Variants in SLC20A2 observed in about 807,000 individuals in gnomAD.
The protein encoded by SLC20A2 is solute carrier family 20 member 2.
SLC20A2 carries 30 observed loss-of-function variants against 61.0 expected under a neutral mutation model. That is an observed-to-expected ratio of 0.49 (90% CI 0.37 to 0.67). The LOEUF (loss-of-function observed/expected upper bound fraction) is 0.67. Among genes scored for constraint, SLC20A2 ranks in the 30% least tolerant of loss-of-function variants. SLC20A2 has a pLI of 0.00. For synonymous variants in SLC20A2, 351 were observed against 353.3 expected (o/e 0.99, Z 0.07); for missense variants, 626 against 866.4 (o/e 0.72, Z 3.48).
At chr8:42,422,482 T>C (rs906171306) in intron 10 of SLC20A2, among the ~76,000 whole-genome samples, 2 of 152,236 alleles carry the variant, frequency 1.3e-5, no homozygotes, top group East Asian at 1.9e-4. Flanking sequence ...GTGTACGCCA[T>C]AGCACAAATG....
chr8:42,464,836 G>A (rs1316682375), intron 3 of SLC20A2, among the ~76,000 whole-genome samples: 7 of 152,030 alleles, frequency 4.6e-5, no homozygotes, highest in East Asian at 3.9e-4. Context: ...TGAGCTGGGC[G>A]TGGTGGCATG....
At chr8:42,447,476 G>A (rs1211398148) in intron 5 of SLC20A2, among the ~76,000 whole-genome samples, 3 of 152,146 alleles carry the variant, frequency 2.0e-5, no homozygotes, top group Non-Finnish European at 2.9e-5. Flanking sequence ...AGGAGATGGA[G>A]ACCATCCTGG....
chr8:42,438,639 G>A (rs1034115783), intron 7 of SLC20A2, among the ~76,000 whole-genome samples: 2 of 152,204 alleles, frequency 1.3e-5, no homozygotes, highest in East Asian at 1.9e-4. Context: ...GGCAGGCTTT[G>A]GTGAAGCTGT....
At chr8:42,505,244 G>C (rs936809082), upstream of SLC20A2, among the ~76,000 whole-genome samples, 13 of 151,976 alleles carry the variant, frequency 8.6e-5, no homozygotes, top group Non-Finnish European at 1.8e-4. Flanking sequence ...AAGTAGCTGG[G>C]ACTATAGGTG....
intron 5 of SLC20A2, among the ~76,000 whole-genome samples, chr8:42,452,151 G>A (rs1260374760): frequency 1.1e-4 from 16 of 139,762 alleles, no homozygotes; most frequent in East Asian, 4.5e-4. Context: ...ATGAAGAGGA[G>A]GAGGAAGAGA....
At chr8:42,538,724 G>C (rs1812868389) in intron 1 of SLC20A2, among the ~76,000 whole-genome samples, 1 of 152,188 alleles carries the variant, frequency 6.6e-6, no homozygotes, top group African/African-American at 2.4e-5. Context: ...AATGAGAAAC[G>C]CTTGTCTTCC....
At chr8:42,442,100 A>G in intron 6 of SLC20A2, among the ~76,000 whole-genome samples, 1 of 152,026 alleles carries the variant, frequency 6.6e-6, no homozygotes, top group African/African-American at 2.4e-5. Flanking sequence ...CACTTGGCTA[A>G]TTTTGTATTT....
chr8:42,465,156 GAAGT>G (rs1231899421), intron 3 of SLC20A2, among the ~76,000 whole-genome samples: 1 of 151,518 alleles, frequency 6.6e-6, no homozygotes, highest in African/African-American at 2.4e-5. Context: ...CTTCCAGGTT[GAAGT>G]GATTCTCCTG....
intron 6 of SLC20A2, among the ~76,000 whole-genome samples, chr8:42,440,739 A>G (rs1017906522): frequency 3.9e-5 from 6 of 152,180 alleles, no homozygotes; most frequent in Non-Finnish European, 7.3e-5. Context: ...ACGAGGTTCC[A>G]GTTCCTCTTC....
chr8:42,514,173 G>A (rs1464272885), intron 1 of SLC20A2, among the ~76,000 whole-genome samples: 2 of 152,166 alleles, frequency 1.3e-5, no homozygotes, highest in Non-Finnish European at 2.9e-5. Context: ...AATAATAATT[G>A]GGTCCAGGCA....
At chr8:42,435,430 A>T (rs548538098) in intron 8 of SLC20A2, among the ~76,000 whole-genome samples, 1 of 152,266 alleles carries the variant, frequency 6.6e-6, no homozygotes, top group African/African-American at 2.4e-5. Context: ...CATCCTGAGC[A>T]TATTACACAG....
At chr8:42,518,182 C>T (rs1443945568) in intron 1 of SLC20A2, among the ~76,000 whole-genome samples, 2 of 152,114 alleles carry the variant, frequency 1.3e-5, no homozygotes, top group South Asian at 2.1e-4. Context: ...CCTCATGATC[C>T]GCACACCTCA....
At chr8:42,527,058 C>G (rs1243962534) in intron 1 of SLC20A2, among the ~76,000 whole-genome samples, 3 of 149,538 alleles carry the variant, frequency 2.0e-5, no homozygotes, top group Non-Finnish European at 3.0e-5. Context: ...GAGCTGAGTT[C>G]GTACCACTGC....
chr8:42,437,281 C>T lies in SLC20A2; in HGVS notation c.1231G>A (p.Glu411Lys). ...TCGCCCACCAGCTTCTCACTGTCCT[C>T]TGGGGCCGATGAGTCCGCAGCTCGA... ...TFRAADSSAPEDSEKLVGDTV... is the reference protein window; with the variant it reads ...TFRAADSSAPKDSEKLVGDTV... The change falls in exon 8 of 11, where the codon GAG becomes AAG. Residue 411 changes from glutamate to lysine, a missense_variant. Glu to Lys is a moderately conservative substitution (Grantham distance 56, BLOSUM62 1). This residue lies in a region of SLC20A2 where 361 missense variants were observed against 422.3 expected (regional missense o/e 0.85). Transcript: ENST00000520262. This position sits in a 1 kb window ranked among gnomAD's most constrained non-coding sequence, Gnocchi z 6.4. 1 of 1,614,184 alleles carries T rather than the reference C, an allele frequency of 6.2e-7. No homozygotes were observed. The highest frequency in any genetic ancestry group is 8.5e-7 in the Non-Finnish European group (1 of 1,180,044).
chr8:42,454,389 G>A (rs1376174610), intron 5 of SLC20A2, among the ~76,000 whole-genome samples: 1 of 152,164 alleles, frequency 6.6e-6, no homozygotes, highest in Non-Finnish European at 1.5e-5. Flanking sequence ...TATGTGCCGG[G>A]CACTGTGCCA....
chr8:42,469,387 C>A (rs1807445042), intron 2 of SLC20A2, among the ~76,000 whole-genome samples: 1 of 152,060 alleles, frequency 6.6e-6, no homozygotes, highest in Admixed American at 6.5e-5. Context: ...AAGCAAAACC[C>A]CAAATTGCTT....
intron 1 of SLC20A2, among the ~76,000 whole-genome samples, chr8:42,523,000 CG>C (rs1811685227): frequency 6.6e-6 from 1 of 151,252 alleles, no homozygotes; most frequent in Non-Finnish European, 1.5e-5. Context: ...GCTGGGATTG[CG>C]GGTATGCACC....
Position 42,477,536 on chromosome 8 carries a change from T to C in SLC20A2, c.-264-4882A>G, listed in dbSNP as rs376396198. Among the ~76,000 whole-genome samples, 14 of 146,078 alleles carry C rather than the reference T, an allele frequency of 9.6e-5. No homozygotes were observed. In the East Asian group the frequency reaches 2.1e-3, roughly 21 times the overall value. Reference sequence around the variant, plus strand: ...CCCAGGCTGGAGTGCAGTGGCGCGATCTTGGCTCACTGCAACCTCTGCCTC... The same window carrying C: ...CCCAGGCTGGAGTGCAGTGGCGCGACCTTGGCTCACTGCAACCTCTGCCTC... On this transcript the variant is annotated intron_variant, in intron 1 of 10. Coordinates refer to ENST00000520262, the MANE Select transcript of SLC20A2 (RefSeq NM_001257180.2).
chr8:42,505,965 A>G (rs1810672653), upstream of SLC20A2, among the ~76,000 whole-genome samples: 1 of 150,092 alleles, frequency 6.7e-6, no homozygotes, highest in Non-Finnish European at 1.5e-5. Flanking sequence ...TCTGTATTTT[A>G]TTTATTTATT....
Sources: gnomAD v4.1 joint callset for allele counts (sites outside exome capture counted in the v4.1 genomes callset) on GRCh38, gnomAD v4.1.1 for gene constraint, gnomAD v4.1.1 regional missense constraint, Gnocchi (gnomAD v3.1) non-coding constraint, MANE v1.5 for transcripts, NCBI Gene and HGNC (gene_info 2026-07-23, HGNC 2026-07-21) for gene names.